The following DPYD variants were observed in gnomAD, a reference collection of about 807,000 sequenced individuals.
DPYD encodes the protein dihydropyrimidine dehydrogenase.
DPYD carries 109 observed loss-of-function variants against 116.2 expected under a neutral mutation model. The ratio of observed to expected loss-of-function variants is 0.94; its 90% CI spans 0.80 to 1.10. DPYD has a LOEUF of 1.10. Ranked by LOEUF, DPYD falls within the 50% of genes least tolerant of loss-of-function variation. The pLI is 0.00. For synonymous variants in DPYD, 440 were observed against 432.0 expected (o/e 1.02, Z -0.23); for missense variants, 1,302 against 1,254.5 (o/e 1.04, Z -0.57).
intron 4 of DPYD, among the ~76,000 whole-genome samples, chr1:97,736,604 A>AC (rs1663958396): frequency 6.6e-6 from 1 of 152,162 alleles, no homozygotes; most frequent in Non-Finnish European, 1.5e-5. Flanking sequence ...ACGTGGAAAG[A>AC]GGTAATTAGA....
chr1:97,622,905 A>C (rs1656713212), intron 8 of DPYD, among the ~76,000 whole-genome samples: 1 of 152,086 alleles, frequency 6.6e-6, no homozygotes, highest in South Asian at 2.1e-4. Context: ...AAATAGTTTC[A>C]TGAAAAGAAT....
chr1:97,909,211 A>C lies in DPYD; in HGVS notation c.39+11673T>G, dbSNP rs151130309. Among the ~76,000 whole-genome samples the C allele has an allele frequency of 6.2e-3, 937 of 152,226 alleles. 8 individuals are homozygous for C. The highest frequency in any genetic ancestry group is 0.021 in the African/African-American group (886 of 41,552). ...GCCTCATACTCTTATTGAGAAAATTAAAACCATCCATTGGAAGAGGGAACT... is the reference window on the plus strand; with the variant it reads ...GCCTCATACTCTTATTGAGAAAATTCAAACCATCCATTGGAAGAGGGAACT... On this transcript the variant is annotated intron_variant, in intron 1 of 22. Transcript: ENST00000370192.
Position 97,921,018 on chromosome 1 carries a change from T to A in DPYD, c.-96A>T. On this transcript the variant is annotated 5_prime_UTR_variant, in exon 1 of 23. Coordinates refer to ENST00000370192, the MANE Select transcript of DPYD (RefSeq NM_000110.4). ...CAAGTGACAGCAGCCGGAGCGCGAG[T>A]CGAAAACAGGCAGACTAGGGCCGGC... 1 of 1,487,830 alleles carries A rather than the reference T, an allele frequency of 6.7e-7. No individual in the cohort carries two copies. The highest frequency in any genetic ancestry group is 9.1e-7 in the Non-Finnish European group (1 of 1,093,546). The allele number at this position is 1,487,830 out of a possible 1,614,324, so 92.2% of individuals were successfully genotyped here.
At chr1:97,309,169 G>C (rs141122931) in intron 16 of DPYD, among the ~76,000 whole-genome samples, 140 of 151,998 alleles carry the variant, frequency 9.2e-4, no homozygotes, top group Non-Finnish European at 1.7e-3. Flanking sequence ...GTGAAAAAGT[G>C]ATGGATAATT....
chr1:97,534,214 A>T (rs1371777681), intron 12 of DPYD, among the ~76,000 whole-genome samples: 1 of 152,210 alleles, frequency 6.6e-6, no homozygotes, highest in African/African-American at 2.4e-5. Context: ...TTTGAAGGCT[A>T]CATTCTCACA....
chr1:97,456,900 C>T (rs570026665), intron 13 of DPYD, among the ~76,000 whole-genome samples: 1 of 152,162 alleles, frequency 6.6e-6, no homozygotes, highest in East Asian at 1.9e-4. Flanking sequence ...ATTCCTGTGG[C>T]CCAAAACCTT....
intron 18 of DPYD, among the ~76,000 whole-genome samples, chr1:97,277,097 A>G (rs1408249548): frequency 6.6e-6 from 1 of 152,224 alleles, no homozygotes; most frequent in Non-Finnish European, 1.5e-5. Flanking sequence ...TAAGTGAATT[A>G]ACGCAGGAAC....
intron 16 of DPYD, chr1:97,322,941 T>C: frequency 6.6e-6 from 1 of 151,920 alleles, no homozygotes; most frequent in East Asian, 1.9e-4. Context: ...TTAAAAACTC[T>C]GCAATACGAA....
At chr1:97,113,699 A>G (rs1319388573) in intron 20 of DPYD, among the ~76,000 whole-genome samples, 1 of 152,134 alleles carries the variant, frequency 6.6e-6, no homozygotes, top group Non-Finnish European at 1.5e-5. Flanking sequence ...ACCTTCATTT[A>G]TTACAAATTA....
chr1:97,767,715 A>C (rs1015820277), intron 3 of DPYD, among the ~76,000 whole-genome samples: 1 of 151,222 alleles, frequency 6.6e-6, no homozygotes, highest in Non-Finnish European at 1.5e-5. Context: ...TCAAGTAATA[A>C]TACATGTTTA....
intron 7 of DPYD, among the ~76,000 whole-genome samples, chr1:97,689,822 T>C (rs550675082): frequency 6.6e-6 from 1 of 152,164 alleles, no homozygotes; most frequent in African/African-American, 2.4e-5. Flanking sequence ...AGGATACAAA[T>C]CCTCAAAGTG....
chr1:97,667,426 A>AT (rs549616854), intron 8 of DPYD, among the ~76,000 whole-genome samples: 3 of 152,092 alleles, frequency 2.0e-5, no homozygotes, highest in South Asian at 4.1e-4. Context: ...ATACTTAAAA[A>AT]TTTTTTTTAT....
intron 8 of DPYD, among the ~76,000 whole-genome samples, chr1:97,618,749 C>G (rs116498067): frequency 6.6e-6 from 1 of 152,088 alleles, no homozygotes; most frequent in East Asian, 1.9e-4. Flanking sequence ...CAGAAATAAA[C>G]GTAGGATTTT....
chr1:97,546,020 GA>G lies in DPYD; in HGVS notation c.1524+3539del. ...TTGGGAGTTTTCCATATGTGACCAT[GA>G]ATATAAAATCACAGGTGTTAGATGA... On this transcript the variant is annotated intron_variant, in intron 12 of 22. Transcript: ENST00000370192. 4 of 1,374,596 alleles carry G rather than the reference GA, an allele frequency of 2.9e-6. No homozygotes were observed. The Admixed American group carries it at 6.7e-5, about 23-fold the overall frequency. The allele number at this position is 1,374,596 out of a possible 1,614,324, so 85.1% of individuals were successfully genotyped here. A position where few individuals can be genotyped will look rare whatever the true frequency, so the allele number is the denominator to read the frequency against.
intron 8 of DPYD, among the ~76,000 whole-genome samples, chr1:97,625,746 G>A (rs1308468802): frequency 1.3e-5 from 2 of 151,864 alleles, no homozygotes; most frequent in African/African-American, 2.4e-5. Flanking sequence ...TGCTGCCACC[G>A]TGAACTCAGA....
chr1:97,217,072 G>A (rs1660453041), intron 19 of DPYD, among the ~76,000 whole-genome samples: 1 of 151,996 alleles, frequency 6.6e-6, no homozygotes, highest in Non-Finnish European at 1.5e-5. Flanking sequence ...GCTGGACATG[G>A]TGGTGGGTGC....
intron 1 of DPYD, among the ~76,000 whole-genome samples, chr1:97,887,824 C>T (rs1008845828): frequency 5.3e-5 from 8 of 151,956 alleles, no homozygotes; most frequent in African/African-American, 1.9e-4. Flanking sequence ...CCAGTTACCC[C>T]CATGCTGCTG....
At chr1:97,697,021 A>C (rs941857320) in intron 6 of DPYD, among the ~76,000 whole-genome samples, 2 of 152,142 alleles carry the variant, frequency 1.3e-5, no homozygotes, top group African/African-American at 4.8e-5. Flanking sequence ...TTTATAAGAG[A>C]AAAATCAGAA....
intron 18 of DPYD, among the ~76,000 whole-genome samples, chr1:97,238,007 A>T (rs12119089): frequency 0.31 from 47,493 of 151,916 alleles, 7,603 homozygotes; most frequent in South Asian, 0.53. Context: ...GGACATAAAA[A>T]GGCAACACAG....
Sources: allele counts gnomAD v4.1 joint callset (sites outside exome capture counted in the v4.1 genomes callset), GRCh38; gene constraint gnomAD v4.1.1; transcripts MANE v1.5; gene names NCBI Gene and HGNC (gene_info 2026-07-23, HGNC 2026-07-21).